Variants in UTP14A observed in about 807,000 individuals in gnomAD.
UTP14A encodes UTP14A small subunit processome component, also known as U3 small nucleolar RNA-associated protein 14 homolog A.
A neutral mutation model predicts 57.2 loss-of-function variants in UTP14A; 5 were observed. The ratio of observed to expected loss-of-function variants is 0.09; its 90% CI spans 0.05 to 0.18. UTP14A has a LOEUF of 0.18. UTP14A is among the 10% of genes least tolerant of loss of function. UTP14A has a pLI of 1.00. For missense variants in UTP14A, 430 were observed against 562.1 expected, an observed-to-expected ratio of 0.76 and a Z score of 2.38; for synonymous variants, 169 against 210.9, an observed-to-expected ratio of 0.80 and a Z score of 1.72.
intron 2 of UTP14A, 110 bp from the exon 3 acceptor site, chrX:129,907,950 C>T (rs1929315769): frequency 1.3e-5 from 9 of 696,783 alleles, no homozygotes; most frequent in Admixed American, 3.0e-5. Flanking sequence ...AGCGAGACGC[C>T]GTCTCAAAAA....
chrX:129,926,292 A>G lies in UTP14A; in HGVS notation c.1996A>G (p.Asn666Asp). ...GPPRKDKNLP[N>D]VIINEKRNIH... ...TCCAAGAAAAGATAAGAATTTGCCA[A>G]ATGTGATTATCAATGAGAAGCGCAA... Residue 666 changes from asparagine to aspartate, a missense_variant, in exon 14 of 15, where the codon AAT becomes GAT. This residue lies in a region of UTP14A where 82 missense variants were observed against 151.4 expected (regional missense o/e 0.54). Coordinates refer to ENST00000394422, the MANE Select transcript of UTP14A (RefSeq NM_006649.4). 8.3e-7 allele frequency: 1 copy of G among 1,211,775 alleles called. No individual in the cohort carries two copies.
chrX:129,920,209 T>C (rs192050862), intron 8 of UTP14A, among the ~76,000 whole-genome samples: 4 of 110,768 alleles, frequency 3.6e-5, no homozygotes, highest in African/African-American at 1.3e-4. Context: ...TGAAACTTGT[T>C]CTACCCCTCC....
At chrX:129,924,085 T>C (rs1354794474) in intron 11 of UTP14A, among the ~76,000 whole-genome samples, 2 of 108,465 alleles carry the variant, frequency 1.8e-5, no homozygotes, top group African/African-American at 3.4e-5. Flanking sequence ...GCCTCCCAAG[T>C]AGGTGGGACT....
chrX:129,920,051 T>C (rs1048713932), intron 8 of UTP14A, among the ~76,000 whole-genome samples: 1 of 111,518 alleles, frequency 9.0e-6, no homozygotes, highest in African/African-American at 3.3e-5. Flanking sequence ...TAGCCAGGCA[T>C]GGTAATGTGC....
intron 4 of UTP14A, 61 bp downstream of exon 4, chrX:129,908,795 T>C: frequency 9.5e-7 from 1 of 1,054,082 alleles, no homozygotes; most frequent in Non-Finnish European, 1.3e-6. Context: ...GGGCATTGTG[T>C]TCACCTCACC....
At chrX:129,907,976 CAA>C (rs983418982) in intron 2 of UTP14A, 82 bp from the exon 3 acceptor site, 22 of 820,188 alleles carry the variant, frequency 2.7e-5, no homozygotes, top group African/African-American at 4.2e-5. Context: ...AAATAAATAA[CAA>C]GAGATTTTAC....
rs1370426320 is a variant in UTP14A at position 129,921,421 on chromosome X, G to A, written c.1182G>A (p.Glu394=). ...AGGCTGCAACCCAGGAGGACCCTGA[G>A]CAACTGCCAGAGCTTGAGGCCCATG... ...TKEAATQEDP[E]QLPELEAHGV... Residue 394 remains glutamate (E), a synonymous_variant, in exon 11 of 15, where the codon GAG becomes GAA. Transcript: ENST00000394422. 8.3e-7 allele frequency: 1 copy of A among 1,212,008 alleles called. No homozygotes were observed. Among genetic ancestry groups the A allele is most frequent in the African/African-American group, 1.7e-5 (1 of 57,854 alleles).
chrX:129,926,725 G>A (rs1243815356), intron 14 of UTP14A, among the ~76,000 whole-genome samples: 1 of 111,820 alleles, frequency 8.9e-6, no homozygotes, highest in African/African-American at 3.3e-5. Context: ...GTATATCGAA[G>A]GTTATTGTAT....
At chrX:129,917,445 GCTCTGTTGC>G (rs2124204231) in intron 6 of UTP14A, among the ~76,000 whole-genome samples, 1 of 112,008 alleles carries the variant, frequency 8.9e-6, no homozygotes, top group South Asian at 3.7e-4. Flanking sequence ...TTTGAAACTA[GCTCTGTTGC>G]CTAGGGCTGT....
At chrX:129,908,344 G>A (rs1929332152) in intron 3 of UTP14A, 1 of 420,646 alleles carries the variant, frequency 2.4e-6, no homozygotes, top group African/African-American at 2.5e-5. Flanking sequence ...TTAAAGCATT[G>A]AGTAGGCATT....
intron 6 of UTP14A, among the ~76,000 whole-genome samples, chrX:129,917,988 T>G (rs1194132827): frequency 1.8e-5 from 2 of 112,580 alleles, no homozygotes. Context: ...ATATGCATGG[T>G]TTATAGCAGT....
At chrX:129,912,113 T>C (rs1030785481) in intron 6 of UTP14A, among the ~76,000 whole-genome samples, 192 bp downstream of exon 6, 1 of 84,239 alleles carries the variant, frequency 1.2e-5, no homozygotes, top group Non-Finnish European at 2.0e-5. Flanking sequence ...CTGTGATCAC[T>C]TTTTTTTTTT....
At chrX:129,921,763 G>T in intron 11 of UTP14A, 176 bp downstream of exon 11, 1 of 528,586 alleles carries the variant, frequency 1.9e-6, no homozygotes, top group Non-Finnish European at 2.9e-6. Flanking sequence ...ATTTTTCTTC[G>T]AAGACATTTA....
At chrX:129,910,880 A>G in intron 4 of UTP14A, 128 bp from the exon 5 acceptor site, 1 of 861,506 alleles carries the variant, frequency 1.2e-6, no homozygotes, top group Admixed American at 3.0e-5. Flanking sequence ...CAATTGAAGT[A>G]AGAGAATTAT....
At position 129,929,609 on chromosome X, in the gene UTP14A, G is replaced by C. The variant is rs1930243302; in HGVS notation, c.*1G>C. ...GCTGAAGAAATGCTCTGTAGATTGA[G>C]TTGCTGGAGGAGTGACAGCCAGGAG... On this transcript the variant is annotated 3_prime_UTR_variant, in exon 15 of 15. Transcript: ENST00000394422. 8.3e-7 allele frequency: 1 copy of C among 1,206,928 alleles called. No individual in the cohort carries two copies. Among genetic ancestry groups the C allele is most frequent in the South Asian group, 1.8e-5 (1 of 56,486 alleles).
intron 11 of UTP14A, among the ~76,000 whole-genome samples, chrX:129,924,283 CTT>C (rs556719731): frequency 7.3e-5 from 6 of 82,533 alleles, no homozygotes; most frequent in African/African-American, 1.0e-4. Flanking sequence ...TCACATGCTA[CTT>C]TTTTTTTTTT....
At chrX:129,919,711 G>T (rs1236536388) in intron 8 of UTP14A, among the ~76,000 whole-genome samples, 1 of 112,352 alleles carries the variant, frequency 8.9e-6, no homozygotes. Context: ...GCATCACAGA[G>T]TGGTTCTGCA....
chrX:129,906,386 T>A, intron 1 of UTP14A, 150 bp downstream of exon 1: 1 of 537,168 alleles, frequency 1.9e-6, no homozygotes, highest in Non-Finnish European at 3.1e-6. Flanking sequence ...ATCCAGCCTT[T>A]AAAGCCCTTT....
chrX:129,915,504 G>A (rs1392522808), intron 6 of UTP14A, among the ~76,000 whole-genome samples: 3 of 85,241 alleles, frequency 3.5e-5, no homozygotes, highest in Admixed American at 1.5e-4. Flanking sequence ...CAGCCTGGGC[G>A]ACAGAGCGAG....
Sources: gnomAD v4.1 joint callset for allele counts (sites outside exome capture counted in the v4.1 genomes callset) on GRCh38, gnomAD v4.1.1 for gene constraint, gnomAD v4.1.1 regional missense constraint, MANE v1.5 for transcripts, NCBI Gene and HGNC (gene_info 2026-07-23, HGNC 2026-07-21) for gene names.